The following PKD2L2 variants were observed in gnomAD, a reference collection of about 807,000 sequenced individuals.
PKD2L2 encodes polycystin 2 like 2, transient receptor potential cation channel.
Under a neutral mutation model 83.9 loss-of-function variants are expected in PKD2L2, and 67 were observed. The observed-to-expected ratio is 0.80, with a 90% CI of 0.66 to 0.98. The LOEUF is 0.98. Among genes scored for constraint, PKD2L2 ranks in the 50% least tolerant of loss-of-function variants. The probability of loss-of-function intolerance (pLI) is 0.00; values close to 1 mark genes in which losing one functional copy is unlikely to be tolerated. For missense variants in PKD2L2, 632 were observed against 717.2 expected (o/e 0.88, Z 1.36); for synonymous variants, 223 against 237.8 (o/e 0.94, Z 0.57).
rs188875142 is a variant in PKD2L2 at position 137,942,503 on chromosome 5, C to G, written c.*137C>G. 30 of 213,054 alleles carry G rather than the reference C, an allele frequency of 1.4e-4. No homozygotes were observed. The East Asian group carries it at 3.7e-3, about 27-fold the overall frequency. 13.2% of individuals were successfully genotyped at this position (213,054 alleles called of 1,614,324 possible). On this transcript the variant is annotated 3_prime_UTR_variant, in exon 15 of 15. Transcript: ENST00000508883. ...AGCCTCCCAAGTATCTGGGACTACA[C>G]GCGAACACCACCACCCCTGGCTAAT...
chr5:137,909,679 G>A (rs1318163529), intron 8 of PKD2L2, among the ~76,000 whole-genome samples: 1 of 151,084 alleles, frequency 6.6e-6, no homozygotes, highest in East Asian at 2.0e-4. Context: ...CAAGTAGCTG[G>A]GTGTGCCACC....
intron 5 of PKD2L2, among the ~76,000 whole-genome samples, chr5:137,901,470 T>C (rs1486790422): frequency 6.6e-6 from 1 of 152,022 alleles, no homozygotes; most frequent in Non-Finnish European, 1.5e-5. Context: ...AGCACAAGGA[T>C]TTAAGGCAGG....
intron 3 of PKD2L2, among the ~76,000 whole-genome samples, chr5:137,893,855 T>A (rs576798883): frequency 1.3e-5 from 2 of 152,268 alleles, no homozygotes; most frequent in Admixed American, 6.5e-5. Flanking sequence ...TTATTGTGTT[T>A]TCTGAAGCAT....
rs879264218 is a variant in PKD2L2, at chr5:137,901,146, AAAAG to A, written c.746+1425_746+1428del. 7.5e-4 allele frequency among the ~76,000 whole-genome samples: 114 copies of A among 152,002 alleles called. 1 individual carries two copies. Among genetic ancestry groups the A allele is most frequent in the East Asian group, 2.7e-3 (14 of 5,178 alleles). On this transcript the variant is annotated intron_variant, in intron 5 of 14. Coordinates refer to ENST00000508883, the MANE Select transcript of PKD2L2 (RefSeq NM_001300921.2). The stretch of plus-strand genomic sequence containing the variant: ...AGCAAAACTGTGTCTCAAAAAAAAA[AAAAG>A]AAAGAAAGAAAGAAAAGTCATCATG...
At chr5:137,912,983 T>A (rs1282870468) in intron 8 of PKD2L2, among the ~76,000 whole-genome samples, 2 of 151,230 alleles carry the variant, frequency 1.3e-5, no homozygotes, top group Admixed American at 6.6e-5. Flanking sequence ...TTTGTATTTT[T>A]AGTGGAGACG....
chr5:137,925,836 T>C, intron 11 of PKD2L2, 39 bp from the exon 12 acceptor site: 1 of 1,345,698 alleles, frequency 7.4e-7, no homozygotes, highest in Non-Finnish European at 1.1e-6. Context: ...CCTTTCTTAT[T>C]GTCATTTGCC....
At chr5:137,890,219 G>A in intron 1 of PKD2L2, 1 of 272,908 alleles carries the variant, frequency 3.7e-6, no homozygotes. Context: ...GGAGGCGGAG[G>A]CTGCAGTGAG....
chr5:137,894,062 C>T (rs1756230588), intron 3 of PKD2L2, among the ~76,000 whole-genome samples: 1 of 152,076 alleles, frequency 6.6e-6, no homozygotes, highest in Admixed American at 6.6e-5. Context: ...AGCTCTGATA[C>T]TCATGTATTG....
intron 6 of PKD2L2, among the ~76,000 whole-genome samples, chr5:137,907,275 G>A (rs911274714): frequency 6.6e-6 from 1 of 152,198 alleles, no homozygotes; most frequent in Non-Finnish European, 1.5e-5. Context: ...AAATTTTCAT[G>A]TCAGTTATAA....
At chr5:137,912,460 A>G (rs897924505) in intron 8 of PKD2L2, among the ~76,000 whole-genome samples, 3 of 151,968 alleles carry the variant, frequency 2.0e-5, no homozygotes, top group African/African-American at 4.8e-5. Flanking sequence ...TCCTCTTCCT[A>G]GGTTCAAGTG....
At chr5:137,898,476 G>C (rs984560762) in intron 4 of PKD2L2, among the ~76,000 whole-genome samples, 1 of 152,042 alleles carries the variant, frequency 6.6e-6, no homozygotes, top group East Asian at 1.9e-4. Context: ...TCTCATAACA[G>C]AAACAACCTG....
chr5:137,894,569 A>T lies in PKD2L2; in HGVS notation c.484A>T (p.Asn162Tyr), dbSNP rs1301586954. 1.1e-5 allele frequency: 17 copies of T among 1,612,986 alleles called. No individual in the cohort carries two copies. The East Asian group carries it at 3.8e-4, about 36-fold the overall frequency. Residue 162 changes from asparagine (N) to tyrosine (Y), a missense_variant, in exon 4 of 15, where the codon AAT (asparagine) becomes TAT (tyrosine). Physicochemically the swap from Asn to Tyr is moderately radical, Grantham distance 143 (BLOSUM62 -2). Transcript: ENST00000508883. ...SECYGKYTSA[N>Y]EDLSNFGLQI... is the part of the protein sequence containing the mutation. Reference sequence around the variant, plus strand: ...ATGTTATGGCAAATATACTTCTGCAAATGAAGACCTCTCTAATTTTGGCCT... The same window carrying T: ...ATGTTATGGCAAATATACTTCTGCATATGAAGACCTCTCTAATTTTGGCCT...
At position 137,925,869 on chromosome 5, in the gene PKD2L2, C is replaced by T. The variant is rs775541960; in HGVS notation, c.1617-6C>T. The T allele has an allele frequency of 3.8e-6, 6 of 1,579,890 alleles. No homozygotes were observed. In the Admixed American group the frequency reaches 1.0e-4, roughly 27 times the overall value. ...GCCTCTGACTTTTATTTTATATTCT[C>T]AATAGCAAAGGCAGCGGAGATTTGG... On this transcript the variant is annotated splice_polypyrimidine_tract_variant and splice_region_variant and intron_variant, in intron 11 of 14. Transcript: ENST00000508883.
chr5:137,940,396 A>T, intron 14 of PKD2L2: 1 of 1,370,628 alleles, frequency 7.3e-7, no homozygotes, highest in Non-Finnish European at 1.0e-6. Context: ...CATTTGGAAA[A>T]AAAGATCCAA....
At chr5:137,894,673 T>G (rs1167034167) in intron 4 of PKD2L2, 64 bp downstream of exon 4, 1 of 1,309,814 alleles carries the variant, frequency 7.6e-7, no homozygotes, top group East Asian at 2.3e-5. Context: ...TTTAGATATG[T>G]GTCTTCCAAG....
intron 11 of PKD2L2, among the ~76,000 whole-genome samples, chr5:137,925,370 C>G (rs1184366422): frequency 6.6e-6 from 1 of 152,064 alleles, no homozygotes; most frequent in African/African-American, 2.4e-5. Flanking sequence ...CTAAATACAC[C>G]CAGTACACCC....
At chr5:137,940,412 G>T in intron 14 of PKD2L2, 4 of 1,120,246 alleles carry the variant, frequency 3.6e-6, no homozygotes, top group Non-Finnish European at 3.9e-6. Flanking sequence ...TCCAAAAGTT[G>T]TCTTAATATG....
intron 12 of PKD2L2, among the ~76,000 whole-genome samples, chr5:137,932,761 T>C (rs1759980336): frequency 6.6e-6 from 1 of 152,220 alleles, no homozygotes; most frequent in South Asian, 2.1e-4. Flanking sequence ...TGTTGGAATA[T>C]CTGCATTATA....
At chr5:137,899,229 A>G (rs936932642) in intron 4 of PKD2L2, among the ~76,000 whole-genome samples, 3 of 151,910 alleles carry the variant, frequency 2.0e-5, no homozygotes, top group African/African-American at 7.3e-5. Context: ...CAATCCTCCT[A>G]CCTCAGTCTC....
Sources: allele counts gnomAD v4.1 joint callset (sites outside exome capture counted in the v4.1 genomes callset), GRCh38; gene constraint gnomAD v4.1.1; transcripts MANE v1.5; gene names NCBI Gene and HGNC (gene_info 2026-07-23, HGNC 2026-07-21).